CORO2B: variants seen among roughly 807,000 people sequenced by gnomAD.
CORO2B encodes the protein coronin-2B.
A neutral mutation model predicts 58.8 loss-of-function variants in CORO2B; 26 were observed. The ratio of observed to expected loss-of-function variants is 0.44; its 90% CI spans 0.32 to 0.61. The LOEUF (loss-of-function observed/expected upper bound fraction) is 0.61. Ranked by LOEUF, CORO2B falls within the 20% of genes least tolerant of loss-of-function variation. The pLI is 0.04. For missense variants in CORO2B, 460 were observed against 645.1 expected, an observed-to-expected ratio of 0.71 and a Z score of 3.11; for synonymous variants, 242 against 253.8, an observed-to-expected ratio of 0.95 and a Z score of 0.44.
At chr15:68,648,029 CAAAAAAAAAA>C (rs59821203) in intron 2 of CORO2B, among the ~76,000 whole-genome samples, 1 of 84,306 alleles carries the variant, frequency 1.2e-5, no homozygotes, top group Admixed American at 1.4e-4. Flanking sequence ...TCCTGTCTCT[CAAAAAAAAAA>C]AAAAAAAAAG....
rs746213865 is a variant in CORO2B, at chr15:68,695,337, C to G, written c.333+81C>G. Reference sequence around the variant, plus strand: ...TTGGAGGCCTCTCTTCCTACCCTCCCCTCCTCCACCCTTTGCCCTTCTTCC... The same window carrying G: ...TTGGAGGCCTCTCTTCCTACCCTCCGCTCCTCCACCCTTTGCCCTTCTTCC... On this transcript the variant is annotated intron_variant, in intron 3 of 11. Transcript: ENST00000261861. 28 of 958,814 alleles carry G rather than the reference C, an allele frequency of 2.9e-5. 1 individual carries two copies. The highest frequency in any genetic ancestry group is 1.6e-5 in the African/African-American group (1 of 62,400). The allele number at this position is 958,814 out of a possible 1,614,324, so 59.4% of individuals were successfully genotyped here.
intron 1 of CORO2B, among the ~76,000 whole-genome samples, chr15:68,588,659 A>G (rs945558211): frequency 1.6e-4 from 25 of 152,284 alleles, no homozygotes; most frequent in African/African-American, 5.5e-4. Context: ...CTTTAGGTTT[A>G]TGGAAAGGAA....
chr15:68,558,188 C>A, the CORO2B span, among the ~76,000 whole-genome samples: 1 of 152,108 alleles, frequency 6.6e-6, no homozygotes, highest in East Asian at 1.9e-4. Flanking sequence ...TGTTCTGACC[C>A]GCTGCAGGAC....
the CORO2B span, among the ~76,000 whole-genome samples, chr15:68,567,256 A>C: frequency 1.9e-4 from 29 of 152,192 alleles, no homozygotes; most frequent in Admixed American, 1.9e-3. Context: ...AAAGCACATA[A>C]ATTGTATTAG....
chr15:68,630,403 G>A (rs1243451742), intron 1 of CORO2B, among the ~76,000 whole-genome samples: 1 of 147,286 alleles, frequency 6.8e-6, no homozygotes, highest in Non-Finnish European at 1.5e-5. Context: ...AGGGATGAGA[G>A]AAAACCTCGA....
At chr15:68,717,385 A>G (rs1000214770) in intron 8 of CORO2B, among the ~76,000 whole-genome samples, 2 of 152,170 alleles carry the variant, frequency 1.3e-5, no homozygotes, top group Non-Finnish European at 2.9e-5. Context: ...AAGACAGGGA[A>G]ACCAGTTAGG....
At chr15:68,681,132 G>A (rs1277675653) in intron 2 of CORO2B, among the ~76,000 whole-genome samples, 4 of 151,352 alleles carry the variant, frequency 2.6e-5, no homozygotes, top group Admixed American at 2.0e-4. Flanking sequence ...AGAATCGCTT[G>A]AACCCAGAAG....
intron 2 of CORO2B, among the ~76,000 whole-genome samples, chr15:68,658,217 C>T (rs910813610): frequency 6.6e-6 from 1 of 152,248 alleles, no homozygotes; most frequent in Non-Finnish European, 1.5e-5. Flanking sequence ...GAGACAAAAA[C>T]CCCAGAAGCT....
At chr15:68,614,688 G>A (rs1018774059) in intron 1 of CORO2B, among the ~76,000 whole-genome samples, 1 of 152,190 alleles carries the variant, frequency 6.6e-6, no homozygotes, top group Non-Finnish European at 1.5e-5. Flanking sequence ...AGGACTCCCG[G>A]GAGCCCTCTG....
At chr15:68,570,799 G>GTTTTTTTTTTTT in the CORO2B span, among the ~76,000 whole-genome samples, 1 of 78,772 alleles carries the variant, frequency 1.3e-5, no homozygotes, top group Non-Finnish European at 2.2e-5. Flanking sequence ...ACTACACGTA[G>GTTTTTTTTTTTT]TTTTTTTTTT....
the CORO2B span, among the ~76,000 whole-genome samples, chr15:68,573,150 C>T: frequency 1.3e-5 from 2 of 152,086 alleles, no homozygotes; most frequent in African/African-American, 2.4e-5. Flanking sequence ...CCTCAGTGAT[C>T]ACCCCTCAGA....
intron 1 of CORO2B, among the ~76,000 whole-genome samples, chr15:68,599,045 G>A (rs1000084095): frequency 3.3e-5 from 5 of 152,116 alleles, no homozygotes; most frequent in African/African-American, 9.7e-5. Flanking sequence ...CACTTGGCTG[G>A]GCATTCAAAG....
At chr15:68,586,252 T>C (rs1031015424) in intron 1 of CORO2B, among the ~76,000 whole-genome samples, 2 of 152,134 alleles carry the variant, frequency 1.3e-5, no homozygotes, top group Non-Finnish European at 2.9e-5. Context: ...GCCTGACATG[T>C]AGTGTTAGCT....
chr15:68,691,953 C>T (rs941175684), intron 2 of CORO2B, among the ~76,000 whole-genome samples: 1 of 152,210 alleles, frequency 6.6e-6, no homozygotes, highest in Admixed American at 6.5e-5. Context: ...GGGAACACTC[C>T]AATGCAGCTT....
chr15:68,562,166 A>G, the CORO2B span, among the ~76,000 whole-genome samples: 1 of 152,184 alleles, frequency 6.6e-6, no homozygotes, highest in African/African-American at 2.4e-5. Flanking sequence ...TGGGCTGGTG[A>G]GTCCCCAGGA....
chr15:68,604,037 G>A (rs984931045), intron 1 of CORO2B, among the ~76,000 whole-genome samples: 1 of 152,104 alleles, frequency 6.6e-6, no homozygotes, highest in African/African-American at 2.4e-5. Flanking sequence ...AAGACTGCTG[G>A]GGTCCAAATT....
At chr15:68,619,362 T>G (rs1900452071) in intron 1 of CORO2B, among the ~76,000 whole-genome samples, 1 of 152,234 alleles carries the variant, frequency 6.6e-6, no homozygotes, top group Admixed American at 6.5e-5. Flanking sequence ...TAGAGAAGGA[T>G]GTAAATAAAA....
chr15:68,625,430 C>A (rs1446937267), intron 1 of CORO2B, among the ~76,000 whole-genome samples: 1 of 152,188 alleles, frequency 6.6e-6, no homozygotes, highest in Non-Finnish European at 1.5e-5. Flanking sequence ...GAAATTCCCT[C>A]CTGTCCCTTT....
intron 1 of CORO2B, among the ~76,000 whole-genome samples, chr15:68,612,327 G>A (rs1271750746): frequency 1.3e-5 from 2 of 152,202 alleles, no homozygotes; most frequent in African/African-American, 2.4e-5. Context: ...TTGAAATGAT[G>A]ATCGTAAGGA....
Sources: gnomAD v4.1 joint callset for allele counts (sites outside exome capture counted in the v4.1 genomes callset) on GRCh38, gnomAD v4.1.1 for gene constraint, MANE v1.5 for transcripts, NCBI Gene and HGNC (gene_info 2026-07-23, HGNC 2026-07-21) for gene names.